FNDC3A: variants seen among roughly 807,000 people sequenced by gnomAD.
FNDC3A encodes fibronectin type-III domain-containing protein 3A.
In FNDC3A, 32 loss-of-function variants were observed where a neutral mutation model predicts 148.9. That is an observed-to-expected ratio of 0.21 (90% CI 0.16 to 0.29). The LOEUF is 0.29. Ranked by LOEUF, FNDC3A falls within the 10% of genes least tolerant of loss-of-function variation. The pLI, the probability that FNDC3A is intolerant of heterozygous loss-of-function variation, is 1.00. For synonymous variants in FNDC3A, 472 were observed against 473.6 expected (o/e 1.00, Z 0.04); for missense variants, 1,191 against 1,452.8 (o/e 0.82, Z 2.93).
chr13:49,173,312 T>G (rs1283943774), intron 11 of FNDC3A, among the ~76,000 whole-genome samples: 2 of 152,246 alleles, frequency 1.3e-5, no homozygotes, highest in South Asian at 2.1e-4. Flanking sequence ...CCGGAAATTC[T>G]AAGATAATTT....
intron 3 of FNDC3A, among the ~76,000 whole-genome samples, chr13:49,100,142 T>G (rs1879773731): frequency 6.6e-6 from 1 of 152,180 alleles, no homozygotes; most frequent in Non-Finnish European, 1.5e-5. Context: ...AGATACTCAA[T>G]ATGAAGAATA....
intron 8 of FNDC3A, 143 bp downstream of exon 8, chr13:49,146,078 T>A: frequency 1.7e-6 from 1 of 602,138 alleles, no homozygotes; most frequent in Non-Finnish European, 2.9e-6. Flanking sequence ...GATTTCAATG[T>A]AAATGGTCCA....
At chr13:49,101,345 C>A (rs1193909517) in intron 3 of FNDC3A, among the ~76,000 whole-genome samples, 1 of 152,092 alleles carries the variant, frequency 6.6e-6, no homozygotes, top group Non-Finnish European at 1.5e-5. Flanking sequence ...GATGCTTATT[C>A]AGAACCTGCA....
intron 2 of FNDC3A, among the ~76,000 whole-genome samples, chr13:49,006,689 A>G (rs749302305): frequency 6.6e-6 from 1 of 151,984 alleles, no homozygotes; most frequent in East Asian, 1.9e-4. Context: ...TCTCCCTTCC[A>G]AAAGTAAATA....
At chr13:49,163,203 G>C (rs750660133) in intron 8 of FNDC3A, among the ~76,000 whole-genome samples, 10 of 152,196 alleles carry the variant, frequency 6.6e-5, no homozygotes, top group Non-Finnish European at 1.0e-4. Flanking sequence ...AGAAGTTTCT[G>C]CTGCCTTTTG....
chr13:49,162,911 G>C (rs1181063729), intron 8 of FNDC3A, among the ~76,000 whole-genome samples: 5 of 42 alleles, frequency 0.12, no homozygotes, highest in East Asian at 0.5. Flanking sequence ...GTCCACTCCA[G>C]ACCCTGTTGC....
At chr13:49,052,201 G>A (rs976293281) in intron 2 of FNDC3A, among the ~76,000 whole-genome samples, 3 of 152,024 alleles carry the variant, frequency 2.0e-5, no homozygotes, top group Non-Finnish European at 4.4e-5. Context: ...CTTTTGTCTT[G>A]GTTTGCATCC....
At chr13:49,054,128 A>G (rs957623808) in intron 2 of FNDC3A, among the ~76,000 whole-genome samples, 1 of 152,156 alleles carries the variant, frequency 6.6e-6, no homozygotes, top group Non-Finnish European at 1.5e-5. Flanking sequence ...CTCCTTTCGC[A>G]TCATGGTCTG....
At chr13:49,050,049 T>C (rs1285773626) in intron 2 of FNDC3A, among the ~76,000 whole-genome samples, 2 of 152,216 alleles carry the variant, frequency 1.3e-5, no homozygotes, top group Non-Finnish European at 2.9e-5. Flanking sequence ...TTAATCTCAC[T>C]AATGGTCTAT....
At chr13:49,098,024 T>C (rs1439095386) in intron 3 of FNDC3A, among the ~76,000 whole-genome samples, 1 of 152,098 alleles carries the variant, frequency 6.6e-6, no homozygotes, top group Non-Finnish European at 1.5e-5. Context: ...AAAGCCTAGA[T>C]ACAGAAGCCT....
At chr13:49,038,981 C>T (rs1033354193) in intron 2 of FNDC3A, among the ~76,000 whole-genome samples, 1 of 151,966 alleles carries the variant, frequency 6.6e-6, no homozygotes, top group Non-Finnish European at 1.5e-5. Context: ...AATACATATA[C>T]AGTATTTTGA....
chr13:49,163,322 C>T (rs1056983298), intron 8 of FNDC3A, among the ~76,000 whole-genome samples: 16 of 152,230 alleles, frequency 1.1e-4, no homozygotes, highest in African/African-American at 3.9e-4. Flanking sequence ...TGTTTACCTA[C>T]TCAAGCCTCA....
At chr13:49,147,770 A>G (rs1883075626) in intron 8 of FNDC3A, among the ~76,000 whole-genome samples, 2 of 152,054 alleles carry the variant, frequency 1.3e-5, no homozygotes, top group South Asian at 4.2e-4. Flanking sequence ...GCTCATTTGT[A>G]TGATATTTCT....
rs1265493218 is a variant in FNDC3A, at chr13:49,046,465, A to G, written c.100-28824A>G. ...ACATCTAAAAGGACTTGTTATGAATAAAATAGATATACCCTGTTTGGGTTG... is the reference window on the plus strand; with the variant it reads ...ACATCTAAAAGGACTTGTTATGAATGAAATAGATATACCCTGTTTGGGTTG... On this transcript the variant is annotated intron_variant, in intron 2 of 25. Transcript: ENST00000492622. The G allele has an allele frequency of 3.0e-5, 5 of 168,670 alleles. No individual in the cohort carries two copies. The East Asian group carries it at 5.5e-4, about 18-fold the overall frequency. 10.4% of individuals were successfully genotyped at this position (168,670 alleles called of 1,614,324 possible). A position where few individuals can be genotyped will look rare whatever the true frequency, so the allele number is the denominator to read the frequency against.
At chr13:49,150,348 C>A (rs1883218420) in intron 8 of FNDC3A, among the ~76,000 whole-genome samples, 2 of 152,040 alleles carry the variant, frequency 1.3e-5, no homozygotes. Context: ...TTGAGATGTG[C>A]ATTGCTAGAT....
chr13:49,178,859 A>G (rs909029635), intron 14 of FNDC3A, among the ~76,000 whole-genome samples: 1 of 152,018 alleles, frequency 6.6e-6, no homozygotes, highest in Non-Finnish European at 1.5e-5. Context: ...CAGCTTCCCA[A>G]GCAGCTGAGA....
chr13:49,186,140 C>A (rs185425179), intron 15 of FNDC3A, 38 bp downstream of exon 15: 3 of 1,487,550 alleles, frequency 2.0e-6, no homozygotes, highest in South Asian at 1.2e-5. Flanking sequence ...ATTACTTTTG[C>A]GTTTGATTAA....
intron 2 of FNDC3A, among the ~76,000 whole-genome samples, chr13:49,071,429 G>A (rs1362448271): frequency 1.3e-5 from 2 of 152,052 alleles, no homozygotes; most frequent in East Asian, 3.9e-4. Context: ...TAGTTCTATT[G>A]TTTGTGTTTT....
In FNDC3A at chr13:49,208,100, A is replaced by G. The variant is rs1018421025; in HGVS notation, c.*705A>G. 1.3e-5 allele frequency: 2 copies of G among 152,278 alleles called. No homozygotes were observed. The highest frequency in any genetic ancestry group is 2.1e-4 in the South Asian group (1 of 4,830). 9.4% of individuals were successfully genotyped at this position (152,278 alleles called of 1,614,324 possible). On this transcript the variant is annotated 3_prime_UTR_variant, in exon 26 of 26. Coordinates refer to ENST00000492622, the MANE Select transcript of FNDC3A (RefSeq NM_001079673.2). Reference sequence around the variant, plus strand: ...AAAAAGTACCTCTTCAGGTCTTGAGAACATGGAAAAGAATTGAGTGCTTTT... The same window carrying G: ...AAAAAGTACCTCTTCAGGTCTTGAGGACATGGAAAAGAATTGAGTGCTTTT...
Sources: allele counts gnomAD v4.1 joint callset (sites outside exome capture counted in the v4.1 genomes callset), GRCh38; gene constraint gnomAD v4.1.1; transcripts MANE v1.5; gene names NCBI Gene and HGNC (gene_info 2026-07-23, HGNC 2026-07-21).